The following MYO3B variants were observed in gnomAD, a reference collection of about 807,000 sequenced individuals.
MYO3B encodes the protein myosin-IIIb.
Under a neutral mutation model 174.6 loss-of-function variants are expected in MYO3B, and 156 were observed. The observed-to-expected ratio is 0.89, with a 90% CI of 0.78 to 1.02. The LOEUF (loss-of-function observed/expected upper bound fraction) is 1.02, where lower values mean the gene tolerates loss of function less well. Among genes scored for constraint, MYO3B ranks in the 50% least tolerant of loss-of-function variants. The probability of loss-of-function intolerance (pLI) is 0.00; values close to 1 mark genes in which losing one functional copy is unlikely to be tolerated. For synonymous variants in MYO3B, 563 were observed against 569.1 expected (o/e 0.99, Z 0.15); for missense variants, 1,632 against 1,639.4 (o/e 1.00, Z 0.08).
intron 30 of MYO3B, among the ~76,000 whole-genome samples, chr2:170,534,562 T>C (rs1689563327): frequency 6.6e-6 from 1 of 152,154 alleles, no homozygotes; most frequent in South Asian, 2.1e-4. Flanking sequence ...CCTCCCATTT[T>C]AGCCACCGAA....
intron 32 of MYO3B, among the ~76,000 whole-genome samples, chr2:170,566,255 T>C (rs1471425307): frequency 6.6e-6 from 1 of 152,198 alleles, no homozygotes; most frequent in East Asian, 1.9e-4. Context: ...TAACTGTTTA[T>C]GTTACAAAAG....
chr2:170,257,114 A>G (rs1030305511), intron 7 of MYO3B, among the ~76,000 whole-genome samples: 2 of 152,192 alleles, frequency 1.3e-5, no homozygotes, highest in African/African-American at 4.8e-5. Flanking sequence ...AAGTACTTCT[A>G]AATGTATGAA....
intron 25 of MYO3B, among the ~76,000 whole-genome samples, chr2:170,479,709 A>G (rs1685559483): frequency 6.8e-6 from 1 of 147,366 alleles, no homozygotes; most frequent in African/African-American, 2.5e-5. Context: ...ATACACATAT[A>G]TAACACCTAT....
rs369405057 is a variant in MYO3B at position 170,498,735 on chromosome 2, G to A, written c.3126+32G>A. The A allele has an allele frequency of 3.7e-4, 517 of 1,400,098 alleles. 2 individuals carry two copies. The South Asian group carries it at 5.4e-3, about 15-fold the overall frequency. 86.7% of individuals were successfully genotyped at this position (1,400,098 alleles called of 1,614,324 possible). ...CGTTCTTTATTGTTCAAATTGTCCCGTATGATTTCTTTGTCTCTTGTCAGT... is the reference window on the plus strand; with the variant it reads ...CGTTCTTTATTGTTCAAATTGTCCCATATGATTTCTTTGTCTCTTGTCAGT... On this transcript the variant is annotated intron_variant, in intron 26 of 34. Coordinates refer to ENST00000408978, the MANE Select transcript of MYO3B (RefSeq NM_138995.5).
chr2:170,448,140 T>A (rs148989647), intron 23 of MYO3B, among the ~76,000 whole-genome samples: 229 of 152,310 alleles, frequency 1.5e-3, no homozygotes, highest in African/African-American at 5.0e-3. Context: ...GCAAAGGCAG[T>A]CTAGTCCCCA....
At chr2:170,560,424 C>T (rs569870607) in intron 32 of MYO3B, among the ~76,000 whole-genome samples, 1 of 152,238 alleles carries the variant, frequency 6.6e-6, no homozygotes, top group South Asian at 2.1e-4. Context: ...GGCTGCTTAG[C>T]AGTGAGCAAT....
chr2:170,217,001 A>G lies in MYO3B; in HGVS notation c.527-318A>G, dbSNP rs74367241. 6.8e-4 allele frequency among the ~76,000 whole-genome samples: 103 copies of G among 152,042 alleles called. 1 individual carries two copies. The East Asian group carries it at 0.015, about 21-fold the overall frequency. ...CCTACCTCCTATTTTCATATGGCCT[A>G]TGAGCTAGGAATGGTTTTTACATTT... On this transcript the variant is annotated intron_variant, in intron 5 of 34. Coordinates refer to ENST00000408978, the MANE Select transcript of MYO3B (RefSeq NM_138995.5).
intron 7 of MYO3B, among the ~76,000 whole-genome samples, chr2:170,289,975 T>C (rs776972542): frequency 6.6e-6 from 1 of 152,146 alleles, no homozygotes; most frequent in Non-Finnish European, 1.5e-5. Context: ...AGGAACACAT[T>C]GTTTAATTTG....
chr2:170,279,164 A>G (rs998599241), intron 7 of MYO3B, among the ~76,000 whole-genome samples: 2 of 152,042 alleles, frequency 1.3e-5, no homozygotes, highest in Non-Finnish European at 2.9e-5. Flanking sequence ...GGATTGCTGG[A>G]TTGTACAGTA....
rs2092637076 is a variant in MYO3B, at chr2:170,199,399, A to G, written c.186+8A>G. 6.3e-7 allele frequency: 1 copy of G among 1,584,728 alleles called. No individual in the cohort carries two copies. The highest frequency in any genetic ancestry group is 1.4e-5 in the African/African-American group (1 of 73,730). On this transcript the variant is annotated splice_region_variant and intron_variant, in intron 2 of 34. Transcript: ENST00000408978. ...ATTCTGGATCCAGTCAGTGTAAGTA[A>G]CAGTTGTAAATTATAACCAGAATTT...
At chr2:170,632,199 C>T (rs555938171) in intron 32 of MYO3B, among the ~76,000 whole-genome samples, 42 of 152,302 alleles carry the variant, frequency 2.8e-4, no homozygotes, top group African/African-American at 9.1e-4. Context: ...AGCACCACAT[C>T]GCACTTGTTC....
At chr2:170,240,123 G>T (rs1234016808) in intron 7 of MYO3B, among the ~76,000 whole-genome samples, 1 of 152,064 alleles carries the variant, frequency 6.6e-6, no homozygotes, top group Non-Finnish European at 1.5e-5. Context: ...ATTTCATCTG[G>T]GGATCCTTGC....
chr2:170,482,866 C>T lies in MYO3B; in HGVS notation c.3015-15726C>T, dbSNP rs545575263. Among the ~76,000 whole-genome samples the T allele has an allele frequency of 7.9e-5, 12 of 152,364 alleles. No homozygotes were observed. The East Asian group carries it at 2.3e-3, about 29-fold the overall frequency. ...AGGCTAAAGAGAACTTCTGTGACCA[C>T]CTCTACTTATTCTTATGGGGCAGGA... On this transcript the variant is annotated intron_variant, in intron 25 of 34. Transcript: ENST00000408978.
intron 32 of MYO3B, among the ~76,000 whole-genome samples, chr2:170,612,090 C>T (rs569499103): frequency 1.3e-5 from 2 of 152,186 alleles, no homozygotes; most frequent in Admixed American, 6.5e-5. Flanking sequence ...ATAGGAGAGC[C>T]TGGACTCAGC....
At chr2:170,575,451 A>G (rs2106288227) in intron 32 of MYO3B, among the ~76,000 whole-genome samples, 1 of 152,302 alleles carries the variant, frequency 6.6e-6, no homozygotes, top group South Asian at 2.1e-4. Context: ...AAAAGCATAG[A>G]CAGTAGATAA....
At chr2:170,537,218 A>C (rs1200097296) in intron 30 of MYO3B, among the ~76,000 whole-genome samples, 1 of 148,812 alleles carries the variant, frequency 6.7e-6, no homozygotes. Flanking sequence ...AAAAAAAACA[A>C]AAAACAAAAA....
At chr2:170,553,009 A>G (rs1267490062) in intron 32 of MYO3B, among the ~76,000 whole-genome samples, 1 of 152,176 alleles carries the variant, frequency 6.6e-6, no homozygotes, top group East Asian at 1.9e-4. Flanking sequence ...CACAAAAACA[A>G]GAGTTGAGAC....
At chr2:170,403,595 T>G (rs1412877329) in intron 19 of MYO3B, among the ~76,000 whole-genome samples, 1 of 152,250 alleles carries the variant, frequency 6.6e-6, no homozygotes, top group Non-Finnish European at 1.5e-5. Context: ...TACTTAAACC[T>G]TAAGACTCTC....
intron 7 of MYO3B, among the ~76,000 whole-genome samples, chr2:170,246,567 C>T (rs1344489270): frequency 6.7e-6 from 1 of 149,838 alleles, no homozygotes; most frequent in African/African-American, 2.5e-5. Flanking sequence ...CACACACACA[C>T]GAACATCATA....
Sources: allele counts gnomAD v4.1 joint callset (sites outside exome capture counted in the v4.1 genomes callset), GRCh38; gene constraint gnomAD v4.1.1; transcripts MANE v1.5; gene names NCBI Gene and HGNC (gene_info 2026-07-23, HGNC 2026-07-21).